DHTKD1: variants seen among roughly 807,000 people sequenced by gnomAD.
DHTKD1 encodes the protein dehydrogenase E1 and transketolase domain containing 1.
In DHTKD1, 78 loss-of-function variants were observed where a neutral mutation model predicts 101.8. The observed-to-expected ratio is 0.77, with a 90% CI of 0.64 to 0.93. The LOEUF is 0.93. Among genes scored for constraint, DHTKD1 ranks in the 40% least tolerant of loss-of-function variants. DHTKD1 has a pLI of 0.00. For missense variants in DHTKD1, 1,223 were observed against 1,161.7 expected, an observed-to-expected ratio of 1.05 and a Z score of -0.77; for synonymous variants, 462 against 450.3, an observed-to-expected ratio of 1.03 and a Z score of -0.33.
chr10:12,081,364 T>A lies in DHTKD1; in HGVS notation c.155-108T>A, dbSNP rs1722446. On this transcript the variant is annotated intron_variant, in intron 1 of 16. Transcript: ENST00000263035. ...CCTGTCTCTAAAATAAATAAATAAA[T>A]AAAAAGTAAGGTGTCTAGGGCTGTA... 169,182 of 818,824 alleles carry A rather than the reference T, an allele frequency of 0.21. 17,893 individuals carry two copies. The highest frequency in any genetic ancestry group is 0.31 in the East Asian group (11,837 of 37,946). 50.7% of individuals were successfully genotyped at this position (818,824 alleles called of 1,614,324 possible).
At chr10:12,079,186 T>A (rs1832777767) in intron 1 of DHTKD1, among the ~76,000 whole-genome samples, 1 of 151,742 alleles carries the variant, frequency 6.6e-6, no homozygotes, top group Non-Finnish European at 1.5e-5. Context: ...AACTCCTGGG[T>A]TCAAGCTCCT....
chr10:12,120,300 G>A, intron 16 of DHTKD1, 33 bp downstream of exon 16: 1 of 1,533,542 alleles, frequency 6.5e-7, no homozygotes. Flanking sequence ...AGTGTTTTGT[G>A]TTTTGTGTGC....
chr10:12,113,949 T>G (rs1318111565), intron 13 of DHTKD1, among the ~76,000 whole-genome samples: 1 of 151,756 alleles, frequency 6.6e-6, no homozygotes, highest in Non-Finnish European at 1.5e-5. Context: ...TTAAAGCCCA[T>G]ATGGTCTAAG....
rs1833163213 is a variant in DHTKD1, at chr10:12,101,136, C to T, written c.1851C>T (p.Tyr617=). The change falls in exon 10 of 17, where the codon TAC becomes TAT. Residue 617 remains tyrosine (Y), a synonymous_variant. Coordinates refer to ENST00000263035, the MANE Select transcript of DHTKD1 (RefSeq NM_018706.7). Reference sequence around the variant, plus strand: ...TTTGCCAGGAGACGGATGACACCTACATCCCCCTGAACCATATGGACCCAA... The same window carrying T: ...TTTGCCAGGAGACGGATGACACCTATATCCCCCTGAACCATATGGACCCAA... ...IVVCQETDDT[Y]IPLNHMDPNQ... 1 of 1,614,154 alleles carries T rather than the reference C, an allele frequency of 6.2e-7. No individual in the cohort carries two copies. The highest frequency in any genetic ancestry group is 1.7e-5 in the Admixed American group (1 of 60,008).
At chr10:12,114,020 C>A (rs1168865763) in intron 13 of DHTKD1, among the ~76,000 whole-genome samples, 1 of 133,694 alleles carries the variant, frequency 7.5e-6, no homozygotes, top group Non-Finnish European at 1.6e-5. Flanking sequence ...AAATGAGTGG[C>A]ATTATTTGTC....
At chr10:12,102,150 G>A (rs1394660296) in intron 10 of DHTKD1, among the ~76,000 whole-genome samples, 1 of 152,036 alleles carries the variant, frequency 6.6e-6, no homozygotes, top group African/African-American at 2.4e-5. Flanking sequence ...TGGTGGCCGG[G>A]TGTGGTGGTT....
chr10:12,119,711 T>G (rs868343491), intron 15 of DHTKD1, among the ~76,000 whole-genome samples: 3 of 151,146 alleles, frequency 2.0e-5, no homozygotes. Context: ...GCAGAACAGC[T>G]AATGGATGCT....
intron 15 of DHTKD1, among the ~76,000 whole-genome samples, chr10:12,119,590 TG>T (rs376840248): frequency 0.011 from 1,410 of 127,038 alleles, 28 homozygotes; most frequent in African/African-American, 0.041. Context: ...CACTCCAGCC[TG>T]GGCGACAGAG....
At chr10:12,083,195 A>G (rs549153090) in intron 2 of DHTKD1, among the ~76,000 whole-genome samples, 5 of 152,226 alleles carry the variant, frequency 3.3e-5, no homozygotes, top group South Asian at 2.1e-4. Context: ...GAGGTGTCCA[A>G]TCTTTTGGCT....
intron 13 of DHTKD1, among the ~76,000 whole-genome samples, chr10:12,115,707 C>A (rs1833405784): frequency 6.6e-6 from 1 of 152,212 alleles, no homozygotes; most frequent in Non-Finnish European, 1.5e-5. Flanking sequence ...GGAAGCATCA[C>A]CAAACATTTA....
Position 12,075,931 on chromosome 10 carries a change from G to A in DHTKD1, c.155-5541G>A, listed in dbSNP as rs141701797. Among the ~76,000 whole-genome samples, 12 of 145,482 alleles carry A rather than the reference G, an allele frequency of 8.2e-5. No homozygotes were observed. The East Asian group carries it at 2.4e-3, about 29-fold the overall frequency. On this transcript the variant is annotated intron_variant, in intron 1 of 16. Transcript: ENST00000263035. ...TCTTTTAAAACAATTTTGACAGAGC[G>A]AGACTCTGTCTCAAAAAAAAAAAAG...
intron 6 of DHTKD1, among the ~76,000 whole-genome samples, chr10:12,093,185 A>C (rs1019241521): frequency 6.6e-6 from 1 of 151,960 alleles, no homozygotes; most frequent in African/African-American, 2.4e-5. Flanking sequence ...CTGGGACTAC[A>C]GGTGTCCACC....
At chr10:12,086,134 C>T (rs951342574) in intron 3 of DHTKD1, among the ~76,000 whole-genome samples, 3 of 151,270 alleles carry the variant, frequency 2.0e-5, no homozygotes, top group African/African-American at 4.9e-5. Flanking sequence ...TCCCAAAATG[C>T]TAGGATTACA....
intron 1 of DHTKD1, among the ~76,000 whole-genome samples, chr10:12,074,543 A>G (rs1832697503): frequency 1.3e-5 from 2 of 151,134 alleles, no homozygotes; most frequent in Admixed American, 6.6e-5. Context: ...TTTTTTTAGT[A>G]GAGATGGGGT....
chr10:12,098,461 T>A (rs1317247844), intron 8 of DHTKD1, among the ~76,000 whole-genome samples: 1 of 152,032 alleles, frequency 6.6e-6, no homozygotes, highest in African/African-American at 2.4e-5. Flanking sequence ...GACTTAGGGG[T>A]TTTCTGGAAT....
At chr10:12,089,557 T>C (rs1832956227) in intron 5 of DHTKD1, among the ~76,000 whole-genome samples, 1 of 152,020 alleles carries the variant, frequency 6.6e-6, no homozygotes, top group South Asian at 2.1e-4. Context: ...TCTGGAAGTA[T>C]GGCCTTCTTG....
chr10:12,097,744 G>C lies in DHTKD1; in HGVS notation c.1419G>C (p.Thr473=), dbSNP rs370218003. 6.2e-7 allele frequency: 1 copy of C among 1,614,122 alleles called. No individual in the cohort carries two copies. The highest frequency in any genetic ancestry group is 1.3e-5 in the African/African-American group (1 of 75,046). Residue 473 remains threonine (T), a synonymous_variant, in exon 8 of 17, where the codon ACG becomes ACC. Coordinates refer to ENST00000263035, the MANE Select transcript of DHTKD1 (RefSeq NM_018706.7). ...ACCTCATTGCTGGCGGACTCATGAC[G>C]CAGGAGGAGGTGTCTGAAATAAAAT... ...AEHLIAGGLM[T]QEEVSEIKSS...
intron 10 of DHTKD1, among the ~76,000 whole-genome samples, chr10:12,102,269 GA>G (rs1282081014): frequency 2.0e-5 from 3 of 151,694 alleles, no homozygotes; most frequent in South Asian, 4.2e-4. Flanking sequence ...ACTAAAAATA[GA>G]AAAATTAGCT....
In DHTKD1 at chr10:12,097,939, T is replaced by G; in HGVS notation, c.1614T>G (p.Ser538=). The G allele has an allele frequency of 6.2e-7, 1 of 1,614,104 alleles. No individual in the cohort carries two copies. Among genetic ancestry groups the G allele is most frequent in the Non-Finnish European group, 8.5e-7 (1 of 1,179,992 alleles). ...TCCTGCGGTTTGTTGGCATGAAGTC[T>G]GTAGAGGTGCCAAGAGAGCTGCAGA... ...LDLLRFVGMK[S]VEVPRELQMH... The change falls in exon 8 of 17, where the codon TCT becomes TCG. Residue 538 remains serine (S), a synonymous_variant. Coordinates refer to ENST00000263035, the MANE Select transcript of DHTKD1 (RefSeq NM_018706.7).
Sources: allele counts gnomAD v4.1 joint callset (sites outside exome capture counted in the v4.1 genomes callset), GRCh38; gene constraint gnomAD v4.1.1; transcripts MANE v1.5; gene names NCBI Gene and HGNC (gene_info 2026-07-23, HGNC 2026-07-21).